PIK3R3: variants seen among roughly 807,000 people sequenced by gnomAD.
The protein encoded by PIK3R3 is phosphatidylinositol 3-kinase regulatory subunit gamma.
PIK3R3 carries 64 observed loss-of-function variants against 62.9 expected under a neutral mutation model. That is an observed-to-expected ratio of 1.02 (90% confidence interval 0.83 to 1.25). The LOEUF (loss-of-function observed/expected upper bound fraction) is 1.25. PIK3R3 is among the 50% of genes most tolerant of loss of function. The pLI, the probability that PIK3R3 is intolerant of heterozygous loss-of-function variation, is 0.00. For missense variants in PIK3R3, 614 were observed against 561.6 expected (o/e 1.09, Z -0.94); for synonymous variants, 165 against 189.0 (o/e 0.87, Z 1.04).
intron 1 of PIK3R3, among the ~76,000 whole-genome samples, chr1:46,113,477 T>TG (rs1256870128): frequency 6.6e-6 from 1 of 151,554 alleles, no homozygotes; most frequent in Non-Finnish European, 1.5e-5. Flanking sequence ...TTTAAAGAGA[T>TG]GGGGGTCTCA....
chr1:46,161,262 ATT>A, the PIK3R3 span, among the ~76,000 whole-genome samples: 3 of 139,762 alleles, frequency 2.1e-5, no homozygotes, highest in African/African-American at 2.7e-5. Flanking sequence ...TACCTAGCTA[ATT>A]TTTTTTTTTT....
At chr1:46,108,464 TAC>T (rs1313619959) in intron 1 of PIK3R3, among the ~76,000 whole-genome samples, 1 of 152,186 alleles carries the variant, frequency 6.6e-6, no homozygotes, top group Admixed American at 6.5e-5. Context: ...ACTACAAATT[TAC>T]AGTTTCTAAT....
At position 46,062,005 on chromosome 1, in the gene PIK3R3, A is replaced by G. The variant is rs771479905; in HGVS notation, c.688T>C (p.Cys230Arg). 1.9e-6 allele frequency: 3 copies of G among 1,611,206 alleles called. No homozygotes were observed. Among genetic ancestry groups the G allele is most frequent in the Middle Eastern group, 1.7e-4 (1 of 6,054 alleles). The change falls in exon 6 of 10, where the codon TGT (cysteine) becomes CGT (arginine). Residue 230 changes from cysteine to arginine, a missense_variant. Cys to Arg is a radical substitution (Grantham distance 180). Transcript: ENST00000262741. Reference sequence around the variant, plus strand: ...TTGCTATGTTGTTCTTGTGTGTGACACTGCTCTTCAAATATTTTAATTGTT... The same window carrying G: ...TTGCTATGTTGTTCTTGTGTGTGACGCTGCTCTTCAAATATTTTAATTGTT... ...NETIKIFEEQ[C>R]HTQEQHSKEY...
chr1:46,147,673 C>T, the PIK3R3 span, among the ~76,000 whole-genome samples: 1 of 152,122 alleles, frequency 6.6e-6, no homozygotes, highest in Non-Finnish European at 1.5e-5. Flanking sequence ...GATCCGCCCA[C>T]CTTGGCCTCC....
At chr1:46,119,842 A>T (rs913990266) in intron 1 of PIK3R3, among the ~76,000 whole-genome samples, 3 of 150,222 alleles carry the variant, frequency 2.0e-5, no homozygotes, top group Non-Finnish European at 4.4e-5. Context: ...CAGTGGTATA[A>T]TCACAGCTCA....
At chr1:46,048,429 C>A (rs1030065862) in intron 7 of PIK3R3, 2 of 152,196 alleles carry the variant, frequency 1.3e-5, no homozygotes, top group African/African-American at 4.8e-5. Flanking sequence ...AATATGTGAT[C>A]TTGATACAAC....
intron 1 of PIK3R3, among the ~76,000 whole-genome samples, chr1:46,082,196 A>G (rs1768802): frequency 0.67 from 102,402 of 151,988 alleles, 34,751 homozygotes; most frequent in Non-Finnish European, 0.71. Flanking sequence ...CCAATACAAT[A>G]CACTAAAAAG....
chr1:46,173,344 G>A, the PIK3R3 span, among the ~76,000 whole-genome samples: 27,767 of 152,174 alleles, frequency 0.18, 2,959 homozygotes, highest in Middle Eastern at 0.24. Context: ...GCCTCTCACT[G>A]AGCTATAATT....
intron 1 of PIK3R3, among the ~76,000 whole-genome samples, chr1:46,083,829 G>A (rs7521940): frequency 2.0e-5 from 3 of 152,178 alleles, no homozygotes; most frequent in Non-Finnish European, 4.4e-5. Context: ...TAGACTGCTG[G>A]TGGGAATGTA....
intron 1 of PIK3R3, among the ~76,000 whole-genome samples, chr1:46,090,497 A>G (rs1008278722): frequency 6.6e-6 from 1 of 151,558 alleles, no homozygotes; most frequent in Non-Finnish European, 1.5e-5. Flanking sequence ...ATGCCCGGCT[A>G]GTTTTTTTGT....
chr1:46,131,420 G>A (rs952252804), intron 1 of PIK3R3, among the ~76,000 whole-genome samples: 2 of 152,120 alleles, frequency 1.3e-5, no homozygotes, highest in African/African-American at 4.8e-5. Context: ...ATGTATGAAA[G>A]GACAAGCTTT....
chr1:46,056,068 T>G, intron 6 of PIK3R3, 97 bp from the exon 7 acceptor site: 1 of 735,056 alleles, frequency 1.4e-6, no homozygotes, highest in Non-Finnish European at 2.1e-6. Flanking sequence ...TTTTTTCCCT[T>G]GAGATTGAGT....
Position 46,043,479 on chromosome 1 carries a change from G to T in PIK3R3, c.*194C>A. The T allele has an allele frequency of 1.7e-6, 1 of 584,570 alleles. No homozygotes were observed. Among genetic ancestry groups the T allele is most frequent in the South Asian group, 2.0e-5 (1 of 49,396 alleles). The allele number at this position is 584,570 out of a possible 1,614,324, so 36.2% of individuals were successfully genotyped here. A position where few individuals can be genotyped will look rare whatever the true frequency, so the allele number is the denominator to read the frequency against. On this transcript the variant is annotated 3_prime_UTR_variant, in exon 10 of 10. Transcript: ENST00000262741. ...GCTTAGTATGTCAGTGCAGCGGCAT[G>T]GCTGAGTCCTAGAGAACCTCAGGCC...
At chr1:46,170,223 T>C in the PIK3R3 span, among the ~76,000 whole-genome samples, 36,930 of 152,150 alleles carry the variant, frequency 0.24, 4,761 homozygotes, top group African/African-American at 0.29. Flanking sequence ...TGATGGTAAC[T>C]GCAGTTATGG....
At chr1:46,046,216 T>G (rs1369754955) in intron 8 of PIK3R3, 128 bp from the exon 9 acceptor site, 6 of 625,008 alleles carry the variant, frequency 9.6e-6, no homozygotes, top group South Asian at 6.6e-5. Flanking sequence ...ATTTGGGTGT[T>G]AACTTCATTA....
At chr1:46,129,084 AAAG>A (rs1313115860) in intron 1 of PIK3R3, among the ~76,000 whole-genome samples, 53 of 152,202 alleles carry the variant, frequency 3.5e-4, no homozygotes, top group Admixed American at 5.9e-4. Context: ...AAAAAAAAAA[AAAG>A]AAGAAGAAGT....
the PIK3R3 span, among the ~76,000 whole-genome samples, chr1:46,140,019 C>T: frequency 6.6e-6 from 1 of 152,284 alleles, no homozygotes; most frequent in South Asian, 2.1e-4. Context: ...AATGGCGTCT[C>T]GCTCTGTCAC....
chr1:46,106,895 C>G (rs1237992224), intron 1 of PIK3R3, among the ~76,000 whole-genome samples: 1 of 152,102 alleles, frequency 6.6e-6, no homozygotes, highest in Non-Finnish European at 1.5e-5. Context: ...CCTGCCTCAG[C>G]CTCCCAAGTA....
At chr1:46,088,441 T>C (rs1485234572) in intron 1 of PIK3R3, among the ~76,000 whole-genome samples, 1 of 152,044 alleles carries the variant, frequency 6.6e-6, no homozygotes, top group Non-Finnish European at 1.5e-5. Context: ...ATATCTCAGA[T>C]ATATAAAAGG....
Sources: allele counts gnomAD v4.1 joint callset (sites outside exome capture counted in the v4.1 genomes callset), GRCh38; gene constraint gnomAD v4.1.1; transcripts MANE v1.5; gene names NCBI Gene and HGNC (gene_info 2026-07-23, HGNC 2026-07-21).